Variants in CNTN5 observed in about 807,000 individuals in gnomAD.
The protein encoded by CNTN5 is contactin-5.
In CNTN5, 77 loss-of-function variants were observed where a neutral mutation model predicts 129.1. That is an observed-to-expected ratio of 0.60 (90% CI 0.50 to 0.72). CNTN5 has a LOEUF of 0.72. CNTN5 is among the 30% of genes least tolerant of loss of function. The probability of loss-of-function intolerance (pLI) is 0.00; values close to 1 mark genes in which losing one functional copy is unlikely to be tolerated. For missense variants in CNTN5, 1,478 were observed against 1,328.8 expected (o/e 1.11, Z -1.75); for synonymous variants, 509 against 465.6 (o/e 1.09, Z -1.20).
intron 3 of CNTN5, among the ~76,000 whole-genome samples, chr11:99,697,400 A>G (rs908498444): frequency 1.3e-5 from 2 of 151,764 alleles, no homozygotes; most frequent in African/African-American, 4.8e-5. Flanking sequence ...GATACTATGT[A>G]CGCCTAATAT....
intron 3 of CNTN5, among the ~76,000 whole-genome samples, chr11:99,701,013 A>G (rs1954496133): frequency 1.3e-5 from 2 of 151,328 alleles, no homozygotes; most frequent in Admixed American, 1.3e-4. Flanking sequence ...TTCATTACTG[A>G]GAATGAAGTG....
intron 3 of CNTN5, among the ~76,000 whole-genome samples, chr11:99,751,166 G>C (rs188396767): frequency 6.6e-6 from 1 of 152,012 alleles, no homozygotes. Context: ...GTGAAATCTC[G>C]TCTCTACTAA....
At position 100,096,634 on chromosome 11, in the gene CNTN5, C is replaced by G. The variant is rs115989182; in HGVS notation, c.1580+22340C>G. 2.6e-3 allele frequency among the ~76,000 whole-genome samples: 398 copies of G among 152,180 alleles called. 2 individuals are homozygous for G. The highest frequency in any genetic ancestry group is 9.2e-3 in the African/African-American group (382 of 41,564). ...CAAATTATGACTACCTCATCATGCT[C>G]TAACACTCTCATCCTAGTGACTTAT... On this transcript the variant is annotated intron_variant, in intron 13 of 24. Transcript: ENST00000524871.
intron 3 of CNTN5, among the ~76,000 whole-genome samples, chr11:99,601,056 A>G (rs1950297216): frequency 1.3e-5 from 2 of 152,234 alleles, no homozygotes; most frequent in African/African-American, 4.8e-5. Context: ...CTAAACAACA[A>G]GGATCACATA....
chr11:99,675,017 T>TGG (rs1953212540), intron 3 of CNTN5, among the ~76,000 whole-genome samples: 4 of 149,558 alleles, frequency 2.7e-5, no homozygotes, highest in South Asian at 4.2e-4. Flanking sequence ...TTTTCTGGTT[T>TGG]TGTTTTGTTT....
chr11:99,780,106 G>A (rs1384328147), intron 3 of CNTN5, among the ~76,000 whole-genome samples: 4 of 152,042 alleles, frequency 2.6e-5, no homozygotes, highest in Admixed American at 6.6e-5. Flanking sequence ...TGGCAACGTT[G>A]CCTCTTCTCT....
At chr11:100,093,184 A>T (rs1477562247) in intron 13 of CNTN5, among the ~76,000 whole-genome samples, 1 of 152,030 alleles carries the variant, frequency 6.6e-6, no homozygotes, top group African/African-American at 2.4e-5. Flanking sequence ...CAGCCCTCAC[A>T]GTTATGATCT....
chr11:99,799,910 A>C (rs1340253601), intron 3 of CNTN5, among the ~76,000 whole-genome samples: 1 of 151,984 alleles, frequency 6.6e-6, no homozygotes, highest in African/African-American at 2.4e-5. Context: ...GCTATTACTA[A>C]TTCCATGTCA....
chr11:100,238,409 A>G (rs1275438543), intron 16 of CNTN5, among the ~76,000 whole-genome samples: 1 of 47,650 alleles, frequency 2.1e-5, no homozygotes, highest in Non-Finnish European at 3.9e-5. Context: ...CTCACTTGTC[A>G]AAAAAAAAAA....
At chr11:99,740,129 C>A (rs942934910) in intron 3 of CNTN5, among the ~76,000 whole-genome samples, 2 of 151,948 alleles carry the variant, frequency 1.3e-5, no homozygotes, top group Admixed American at 1.3e-4. Flanking sequence ...AATTTTAAAG[C>A]AAAAGTGTTT....
rs535424862 is a variant in CNTN5 at position 99,625,766 on chromosome 11, C to G, written c.55+69497C>G. ...AAACTATTGACTCCTTTATCATATT[C>G]AATTAAAAAGATATTGATTGAGAGA... On this transcript the variant is annotated intron_variant, in intron 3 of 24. Coordinates refer to ENST00000524871, the MANE Select transcript of CNTN5 (RefSeq NM_014361.4). 3.7e-4 allele frequency among the ~76,000 whole-genome samples: 34 copies of G among 91,586 alleles called. 1 individual carries two copies. In the South Asian group the frequency reaches 9.8e-3, roughly 26 times the overall value. The allele number at this position is 91,586 out of a possible 152,430, so 60.1% of individuals were successfully genotyped here. A position where few individuals can be genotyped will look rare whatever the true frequency, so the allele number is the denominator to read the frequency against.
At chr11:99,724,330 G>GGA (rs1258203028) in intron 3 of CNTN5, among the ~76,000 whole-genome samples, 7 of 152,070 alleles carry the variant, frequency 4.6e-5, no homozygotes, top group African/African-American at 1.7e-4. Context: ...ATTACAAAGT[G>GGA]GAGAGAGACG....
At chr11:99,469,968 A>G (rs1008759981) in intron 2 of CNTN5, among the ~76,000 whole-genome samples, 2 of 152,178 alleles carry the variant, frequency 1.3e-5, no homozygotes, top group East Asian at 3.8e-4. Flanking sequence ...ATTAGTACTT[A>G]AAACAGACCT....
chr11:100,210,951 A>G (rs1461698289), intron 15 of CNTN5, among the ~76,000 whole-genome samples: 1 of 152,192 alleles, frequency 6.6e-6, no homozygotes, highest in Non-Finnish European at 1.5e-5. Context: ...TAATATAACT[A>G]TTTCTAGGTA....
intron 13 of CNTN5, among the ~76,000 whole-genome samples, chr11:100,095,554 T>C (rs1051118626): frequency 6.6e-6 from 1 of 152,042 alleles, no homozygotes; most frequent in African/African-American, 2.4e-5. Flanking sequence ...TCATTGTGTA[T>C]AGTTAGTTAC....
rs566647474 is a variant in CNTN5 at position 100,280,335 on chromosome 11, A to G, written c.2314+9094A>G. Among the ~76,000 whole-genome samples, 25 of 151,794 alleles carry G rather than the reference A, an allele frequency of 1.6e-4. No individual in the cohort carries two copies. The South Asian group carries it at 3.3e-3, about 20-fold the overall frequency. On this transcript the variant is annotated intron_variant, in intron 18 of 24. Transcript: ENST00000524871. Reference sequence around the variant, plus strand: ...TCTCTCTTTCCTTACCTCTCATAATATTTCCTGTGTATATCTGGGTACTCA... The same window carrying G: ...TCTCTCTTTCCTTACCTCTCATAATGTTTCCTGTGTATATCTGGGTACTCA...
At chr11:99,084,804 C>A (rs532236473) in intron 1 of CNTN5, among the ~76,000 whole-genome samples, 36 of 152,140 alleles carry the variant, frequency 2.4e-4, no homozygotes, top group Non-Finnish European at 4.1e-4. Flanking sequence ...TAAGATCTTT[C>A]TTTTTTGTTT....
chr11:99,672,510 C>T (rs1311569988), intron 3 of CNTN5, among the ~76,000 whole-genome samples: 6 of 151,602 alleles, frequency 4.0e-5, no homozygotes, highest in Non-Finnish European at 7.4e-5. Context: ...ATATGCACCC[C>T]AAACAGAAGC....
chr11:100,001,139 C>T (rs939603287), intron 8 of CNTN5, among the ~76,000 whole-genome samples: 1 of 152,182 alleles, frequency 6.6e-6, no homozygotes, highest in East Asian at 1.9e-4. Context: ...GGTTTAATTT[C>T]TCAACAGAAA....
Sources: allele counts gnomAD v4.1 joint callset (sites outside exome capture counted in the v4.1 genomes callset), GRCh38; gene constraint gnomAD v4.1.1; transcripts MANE v1.5; gene names NCBI Gene and HGNC (gene_info 2026-07-23, HGNC 2026-07-21).